ABCG1: variants seen among roughly 807,000 people sequenced by gnomAD.
ABCG1 encodes the protein ATP binding cassette subfamily G member 1.
ABCG1 carries 29 observed loss-of-function variants against 69.2 expected under a neutral mutation model. The ratio of observed to expected loss-of-function variants is 0.42; its 90% CI spans 0.31 to 0.57. The LOEUF is 0.57. Among genes scored for constraint, ABCG1 ranks in the 20% least tolerant of loss-of-function variants. ABCG1 has a pLI of 0.15. For synonymous variants in ABCG1, 370 were observed against 374.8 expected (o/e 0.99, Z 0.15); for missense variants, 718 against 898.1 (o/e 0.80, Z 2.56).
At chr21:42,243,814 CTTTTTTT>C (rs11402831) in intron 2 of ABCG1, among the ~76,000 whole-genome samples, 1 of 94,212 alleles carries the variant, frequency 1.1e-5, no homozygotes, top group Non-Finnish European at 2.0e-5. Flanking sequence ...TTATCTTTGG[CTTTTTTT>C]TTTTTTTTTT....
Position 42,273,370 on chromosome 21 carries a change from G to A in ABCG1, c.472G>A (p.Val158Met), listed in dbSNP as rs1203181328. Residue 158 changes from valine (V) to methionine (M), a missense_variant, in exon 4 of 15, where the codon GTG (valine) becomes ATG (methionine). Around this residue, in one of 2 missense-constraint regions of ABCG1, gnomAD observed 514 missense variants for 574.3 expected, o/e 0.90. Transcript: ENST00000398449. This position sits in a 1 kb window ranked among gnomAD's most constrained non-coding sequence, Gnocchi z 5.3. ...LPRDLRCFRK[V>M]SCYIMQDDML... ...CCGGGACCTGCGCTGCTTCCGGAAG[G>A]TGTCCTGCTACATCATGCAGGATGA... The A allele has an allele frequency of 6.2e-7, 1 of 1,613,828 alleles. No individual in the cohort carries two copies. The highest frequency in any genetic ancestry group is 2.2e-5 in the East Asian group (1 of 44,894).
intron 2 of ABCG1, among the ~76,000 whole-genome samples, chr21:42,248,355 G>A (rs911582129): frequency 4.6e-5 from 7 of 152,172 alleles, no homozygotes; most frequent in African/African-American, 1.2e-4. Flanking sequence ...GGAGGGAAGC[G>A]AAGTGAAGTG....
intron 11 of ABCG1, among the ~76,000 whole-genome samples, chr21:42,290,714 TC>T (rs1435407527): frequency 6.6e-6 from 1 of 152,112 alleles, no homozygotes; most frequent in Non-Finnish European, 1.5e-5. Context: ...AGGTACCTCC[TC>T]CCCAAGCTTC....
chr21:42,287,863 C>G lies in ABCG1; in HGVS notation c.974-26C>G. ...TGGGGTGTCCTTCCTGGAGCCCGGGCTGACCCCCGTCTGTGTCTCCTGCAG... is the reference window on the plus strand; with the variant it reads ...TGGGGTGTCCTTCCTGGAGCCCGGGGTGACCCCCGTCTGTGTCTCCTGCAG... On this transcript the variant is annotated intron_variant, in intron 8 of 14. Transcript: ENST00000398449. The surrounding 1 kb of genome is among the most constrained non-coding windows in gnomAD (Gnocchi z 6.2). The G allele has an allele frequency of 6.5e-7, 1 of 1,534,130 alleles. No homozygotes were observed. Among genetic ancestry groups the G allele is most frequent in the Non-Finnish European group, 8.8e-7 (1 of 1,138,582 alleles).
intron 2 of ABCG1, among the ~76,000 whole-genome samples, chr21:42,270,755 G>A (rs937136825): frequency 3.9e-5 from 6 of 152,106 alleles, no homozygotes; most frequent in Non-Finnish European, 8.8e-5. Flanking sequence ...ACCGGACATC[G>A]CTTCCTCACT....
upstream of ABCG1, among the ~76,000 whole-genome samples, chr21:42,213,380 G>A (rs898076845): frequency 3.3e-5 from 5 of 152,226 alleles, no homozygotes; most frequent in Non-Finnish European, 5.9e-5. Flanking sequence ...TGTGTAGAGG[G>A]TAGGAGCTAT....
chr21:42,285,669 G>A (rs1006264820), intron 7 of ABCG1, among the ~76,000 whole-genome samples: 2 of 152,122 alleles, frequency 1.3e-5, no homozygotes, highest in African/African-American at 2.4e-5. Flanking sequence ...CATCCTGGCC[G>A]TGCGATATTC....
At chr21:42,290,664 G>A (rs4148139) in intron 11 of ABCG1, among the ~76,000 whole-genome samples, 34,000 of 152,070 alleles carry the variant, frequency 0.22, 3,944 homozygotes, top group African/African-American at 0.29. Context: ...TGAACACAGC[G>A]GCTGCTTCTC....
chr21:42,216,866 A>G (rs926147675), upstream of ABCG1, among the ~76,000 whole-genome samples: 4 of 152,070 alleles, frequency 2.6e-5, no homozygotes, highest in African/African-American at 9.7e-5. Context: ...TGGGATGCTT[A>G]CTCGGTGCTG....
intron 2 of ABCG1, among the ~76,000 whole-genome samples, chr21:42,246,562 T>A (rs1160773911): frequency 6.6e-6 from 1 of 152,222 alleles, no homozygotes; most frequent in African/African-American, 2.4e-5. Flanking sequence ...TTTCAGAAAG[T>A]AACAAATGTA....
chr21:42,286,042 C>T (rs1363666955), intron 8 of ABCG1, 48 bp downstream of exon 8: 3 of 1,327,330 alleles, frequency 2.3e-6, no homozygotes, highest in African/African-American at 2.9e-5. Context: ...GGATTTTCCT[C>T]CTCTGTGGGT....
chr21:42,261,212 C>G (rs148926886), intron 2 of ABCG1, among the ~76,000 whole-genome samples: 12 of 151,460 alleles, frequency 7.9e-5, no homozygotes, highest in African/African-American at 2.4e-4. Context: ...CACCACCCCC[C>G]CTCTCCCGCC....
intron 2 of ABCG1, among the ~76,000 whole-genome samples, chr21:42,249,260 G>A (rs1034447409): frequency 3.3e-5 from 5 of 152,070 alleles, no homozygotes; most frequent in East Asian, 1.9e-4. Flanking sequence ...TGAGATTACC[G>A]CCTGGCTGGC....
rs375150206 is a variant in ABCG1 at position 42,270,309 on chromosome 21, A to G, written c.287-761A>G. On this transcript the variant is annotated intron_variant, in intron 2 of 14. Transcript: ENST00000398449. ...GCCCCTGGATTGGGAGACATTATCTATGCATCCAGTTGCTTCTGTTTTATT... is the reference window on the plus strand; with the variant it reads ...GCCCCTGGATTGGGAGACATTATCTGTGCATCCAGTTGCTTCTGTTTTATT... Among the ~76,000 whole-genome samples, 5 of 149,712 alleles carry G rather than the reference A, an allele frequency of 3.3e-5. No homozygotes were observed. In the South Asian group the frequency reaches 6.3e-4, roughly 19 times the overall value.
chr21:42,283,658 CCACCCAAAT>C (rs1460649753), intron 6 of ABCG1, among the ~76,000 whole-genome samples: 2 of 144,800 alleles, frequency 1.4e-5, no homozygotes, highest in African/African-American at 2.5e-5. Flanking sequence ...AAGTCCCCCC[CCACCCAAAT>C]GAGTGGGGAA....
In ABCG1 at chr21:42,227,744, G is replaced by A. The variant is rs564890093; in HGVS notation, c.286+1830G>A. On this transcript the variant is annotated intron_variant, in intron 2 of 14. Transcript: ENST00000398449. ...AGGAAAGAGGTTTAATTGGCTCACAGTTTGGCATGGTTGGGGAGGGCTCAG... is the reference window on the plus strand; with the variant it reads ...AGGAAAGAGGTTTAATTGGCTCACAATTTGGCATGGTTGGGGAGGGCTCAG... 5.3e-5 allele frequency among the ~76,000 whole-genome samples: 8 copies of A among 152,308 alleles called. No individual in the cohort carries two copies. In the East Asian group the frequency reaches 1.2e-3, roughly 22 times the overall value.
chr21:42,204,597 A>C (rs1349598617), intron 2 of ABCG1, among the ~76,000 whole-genome samples: 1 of 152,192 alleles, frequency 6.6e-6, no homozygotes, highest in Non-Finnish European at 1.5e-5. Flanking sequence ...CCCAACTTGA[A>C]TGTGGTATAT....
intron 2 of ABCG1, among the ~76,000 whole-genome samples, chr21:42,205,626 A>G (rs2067537137): frequency 6.6e-6 from 1 of 151,784 alleles, no homozygotes; most frequent in Non-Finnish European, 1.5e-5. Flanking sequence ...AAAGAAAAAC[A>G]ATTTATTGAT....
intron 2 of ABCG1, among the ~76,000 whole-genome samples, chr21:42,236,924 T>C (rs2123576762): frequency 6.6e-6 from 1 of 152,320 alleles, no homozygotes; most frequent in South Asian, 2.1e-4. Context: ...GCACTCACGT[T>C]AAGAATTACA....
Sources: allele counts gnomAD v4.1 joint callset (sites outside exome capture counted in the v4.1 genomes callset), GRCh38; gene constraint gnomAD v4.1.1; regional missense constraint gnomAD v4.1.1; non-coding constraint Gnocchi (gnomAD v3.1); transcripts MANE v1.5; gene names NCBI Gene and HGNC (gene_info 2026-07-23, HGNC 2026-07-21).